KAT2B: variants seen among roughly 807,000 people sequenced by gnomAD.
The protein encoded by KAT2B is lysine acetyltransferase 2B.
In KAT2B, 36 loss-of-function variants were observed where a neutral mutation model predicts 105.9. That is an observed-to-expected ratio of 0.34 (90% confidence interval 0.26 to 0.45). The LOEUF is 0.45. Ranked by LOEUF, KAT2B falls within the 20% of genes least tolerant of loss-of-function variation. The probability of loss-of-function intolerance (pLI) is 1.00; values close to 1 mark genes in which losing one functional copy is unlikely to be tolerated. For synonymous variants in KAT2B, 397 were observed against 377.9 expected (o/e 1.05, Z -0.59); for missense variants, 820 against 1,021.6 (o/e 0.80, Z 2.69).
At position 20,054,367 on chromosome 3, in the gene KAT2B, T is replaced by A. The variant is rs146070491; in HGVS notation, c.303+13587T>A. 3.9e-5 allele frequency among the ~76,000 whole-genome samples: 6 copies of A among 152,240 alleles called. No individual in the cohort carries two copies. In the East Asian group the frequency reaches 1.2e-3, roughly 29 times the overall value. ...TGGTCTTGAATTCCTGACCTCGTGA[T>A]CCACCCTCATCGGCCTTCCAAAGTG... On this transcript the variant is annotated intron_variant, in intron 1 of 17. Coordinates refer to ENST00000263754, the MANE Select transcript of KAT2B (RefSeq NM_003884.5).
intron 1 of KAT2B, among the ~76,000 whole-genome samples, chr3:20,071,185 A>C (rs993861555): frequency 1.3e-5 from 2 of 152,126 alleles, no homozygotes; most frequent in Non-Finnish European, 2.9e-5. Flanking sequence ...CTAGTCTTCT[A>C]AATCTGTATA....
intron 1 of KAT2B, among the ~76,000 whole-genome samples, chr3:20,056,440 T>A (rs902288463): frequency 2.0e-5 from 3 of 152,216 alleles, no homozygotes; most frequent in Non-Finnish European, 4.4e-5. Flanking sequence ...ATACATTAGA[T>A]ATGTCTGTTA....
At chr3:20,148,104 G>C in intron 15 of KAT2B, 105 bp downstream of exon 15, 1 of 1,381,334 alleles carries the variant, frequency 7.2e-7, no homozygotes, top group Non-Finnish European at 1.0e-6. Context: ...TAACACAACA[G>C]TTGGTGGGTT....
chr3:20,066,813 A>C (rs1012436017), intron 1 of KAT2B, among the ~76,000 whole-genome samples: 1 of 151,964 alleles, frequency 6.6e-6, no homozygotes. Flanking sequence ...CTTTAACTGA[A>C]TATTTCAAAA....
intron 15 of KAT2B, 88 bp from the exon 16 acceptor site, chr3:20,148,155 G>A (rs1699809625): frequency 2.1e-6 from 3 of 1,402,032 alleles, no homozygotes; most frequent in South Asian, 2.4e-5. Context: ...CCAATTTCAG[G>A]TTTTTGTAAG....
At chr3:20,135,496 T>C (rs1699585229) in intron 11 of KAT2B, among the ~76,000 whole-genome samples, 1 of 151,936 alleles carries the variant, frequency 6.6e-6, no homozygotes, top group African/African-American at 2.4e-5. Flanking sequence ...CTACTAAAAA[T>C]ACAAAAAATT....
chr3:20,151,161 A>G (rs78456400), intron 17 of KAT2B, among the ~76,000 whole-genome samples: 15,175 of 152,244 alleles, frequency 0.1, 961 homozygotes, highest in Admixed American at 0.16. Context: ...AGAAGAAAGA[A>G]AAGTTGAAAG....
chr3:20,132,998 A>G (rs1012900251), intron 11 of KAT2B, among the ~76,000 whole-genome samples: 15 of 152,216 alleles, frequency 9.9e-5, no homozygotes, highest in African/African-American at 3.6e-4. Flanking sequence ...ATTCACTCCA[A>G]CTGGCCAACC....
chr3:20,077,289 CTGTGA>C (rs994308215), intron 2 of KAT2B, among the ~76,000 whole-genome samples: 5 of 152,272 alleles, frequency 3.3e-5, no homozygotes, highest in African/African-American at 1.2e-4. Context: ...CCAAAGTGAG[CTGTGA>C]TGGGGCCACT....
chr3:20,132,970 T>C (rs1389543287), intron 11 of KAT2B, among the ~76,000 whole-genome samples: 1 of 152,246 alleles, frequency 6.6e-6, no homozygotes, highest in Non-Finnish European at 1.5e-5. Flanking sequence ...TAGACATTAC[T>C]TTTCCTGTGC....
In KAT2B at chr3:20,146,420, T is replaced by A. The variant is rs1559333445; in HGVS notation, c.2109T>A (p.Ile703=). 6.2e-7 allele frequency: 1 copy of A among 1,603,710 alleles called. No homozygotes were observed. The highest frequency in any genetic ancestry group is 1.1e-5 in the South Asian group (1 of 90,858). Residue 703 remains isoleucine, a synonymous_variant, in exon 14 of 18, where the codon ATT becomes ATA. Coordinates refer to ENST00000263754, the MANE Select transcript of KAT2B (RefSeq NM_003884.5). ...TTCGACAGATTCCTATAGAAAGCAT[T>A]CCTGGAATTAGTACGTATAGACCTT... The part of the protein sequence containing the change: ...DGVRQIPIES[I]PGIRETGWKP...
intron 2 of KAT2B, among the ~76,000 whole-genome samples, chr3:20,075,004 G>A (rs1424803664): frequency 2.0e-5 from 3 of 152,062 alleles, no homozygotes; most frequent in South Asian, 2.1e-4. Context: ...GGTGGCTCAC[G>A]CCTGTAATTC....
rs150747561 is a variant in KAT2B, at chr3:20,104,195, C to T, written c.851+2727C>T. Among the ~76,000 whole-genome samples, 271 of 152,242 alleles carry T rather than the reference C, an allele frequency of 1.8e-3. 3 individuals are homozygous for T. Among genetic ancestry groups the T allele is most frequent in the African/African-American group, 6.3e-3 (263 of 41,540 alleles). On this transcript the variant is annotated intron_variant, in intron 5 of 17. Coordinates refer to ENST00000263754, the MANE Select transcript of KAT2B (RefSeq NM_003884.5). ...ATAGCCCAGCCTCCTGAGCCAACAG[C>T]TGAAGGCAAAAAGTGGAGTCAGACA...
At chr3:20,051,771 C>T (rs1239206154) in intron 1 of KAT2B, among the ~76,000 whole-genome samples, 1 of 152,214 alleles carries the variant, frequency 6.6e-6, no homozygotes, top group African/African-American at 2.4e-5. Context: ...ATATGATGAG[C>T]TCGTTATTTA....
intron 13 of KAT2B, 78 bp downstream of exon 13, chr3:20,140,442 C>A: frequency 7.0e-7 from 1 of 1,437,330 alleles, no homozygotes; most frequent in Non-Finnish European, 9.6e-7. Flanking sequence ...TTGGGTGCTG[C>A]GTGTATGTGT....
intron 1 of KAT2B, among the ~76,000 whole-genome samples, chr3:20,059,412 C>CAAAAAAA: frequency 2.6e-5 from 1 of 38,336 alleles, no homozygotes; most frequent in Non-Finnish European, 4.5e-5. Flanking sequence ...GACTCTGTCT[C>CAAAAAAA]AAAAAAAAAA....
In KAT2B at chr3:20,122,790, A is replaced by G. The variant is rs41285059; in HGVS notation, c.1399A>G (p.Met467Val). ...GTCTACCATCACGGACCCTGCAGCA[A>G]TGCTTGGACCAGAGGTCAGCAGGGT... is the stretch of plus-strand genomic sequence containing the variant. ...VMSTITDPAA[M>V]LGPETNFLSA... Residue 467 changes from methionine (M) to valine (V), a missense_variant, in exon 9 of 18, where the codon ATG becomes GTG. Met to Val is a conservative substitution (Grantham distance 21). This residue lies in a region of KAT2B where 225 missense variants were observed against 268.1 expected (regional missense o/e 0.84). Transcript: ENST00000263754. The G allele has an allele frequency of 4.2e-4, 681 of 1,613,304 alleles. No individual in the cohort carries two copies. The highest frequency in any genetic ancestry group is 5.5e-4 in the Non-Finnish European group (654 of 1,179,518).
At chr3:20,065,909 C>T (rs7627847) in intron 1 of KAT2B, among the ~76,000 whole-genome samples, 61,102 of 151,828 alleles carry the variant, frequency 0.4, 12,513 homozygotes, top group Middle Eastern at 0.47. Flanking sequence ...ATATGGAGGC[C>T]GCATGTATTA....
chr3:20,128,436 A>G (rs1287775110), intron 11 of KAT2B, among the ~76,000 whole-genome samples: 3 of 152,132 alleles, frequency 2.0e-5, no homozygotes, highest in Non-Finnish European at 4.4e-5. Context: ...TTATGAATAA[A>G]TTTCAGAAGT....
Sources: gnomAD v4.1 joint callset for allele counts (sites outside exome capture counted in the v4.1 genomes callset) on GRCh38, gnomAD v4.1.1 for gene constraint, gnomAD v4.1.1 regional missense constraint, MANE v1.5 for transcripts, NCBI Gene and HGNC (gene_info 2026-07-23, HGNC 2026-07-21) for gene names.